Variants in RALB observed in about 807,000 individuals in gnomAD.
The protein encoded by RALB is ras-related protein Ral-B.
RALB carries 16 observed loss-of-function variants against 21.3 expected under a neutral mutation model. The observed-to-expected ratio is 0.75, with a 90% CI of 0.51 to 1.14. The LOEUF is 1.14. RALB is among the 50% of genes most tolerant of loss of function. RALB has a pLI of 0.00. For missense variants in RALB, 161 were observed against 256.2 expected (o/e 0.63, Z 2.54); for synonymous variants, 93 against 96.1 (o/e 0.97, Z 0.19).
rs540586190 is a variant in RALB, at chr2:120,268,872, A to G, written c.-47-9746A>G. ...AAGGAAAGAAAAGAAGGAAAGTCCA[A>G]CTTCATTGTTGCCAGTATTAACTCT... On this transcript the variant is annotated intron_variant, in intron 1 of 4. Coordinates refer to ENST00000272519, the MANE Select transcript of RALB (RefSeq NM_002881.3). Among the ~76,000 whole-genome samples the G allele has an allele frequency of 7.9e-5, 12 of 152,292 alleles. No individual in the cohort carries two copies. In the East Asian group the frequency reaches 1.5e-3, roughly 20 times the overall value.
chr2:120,285,774 C>A, intron 2 of RALB, 100 bp from the exon 3 acceptor site: 1 of 905,282 alleles, frequency 1.1e-6, no homozygotes, highest in Non-Finnish European at 1.8e-6. Context: ...CTGTAGTGTC[C>A]TGTTCATAGT....
intron 1 of RALB, chr2:120,253,639 CGGA>C: frequency 1.0e-5 from 10 of 985,480 alleles, no homozygotes; most frequent in Non-Finnish European, 1.1e-5. Context: ...TTGCGGGGCG[CGGA>C]GCTTGCTGCG....
chr2:120,249,371 A>G (rs1689019163), upstream of RALB, among the ~76,000 whole-genome samples: 1 of 152,124 alleles, frequency 6.6e-6, no homozygotes, highest in South Asian at 2.1e-4. Context: ...GAAATACCTG[A>G]GACTGGGTAA....
At chr2:120,246,944 T>C (rs912408882) in intron 1 of RALB, among the ~76,000 whole-genome samples, 2 of 152,242 alleles carry the variant, frequency 1.3e-5, no homozygotes, top group Non-Finnish European at 2.9e-5. Flanking sequence ...TGGATGAGGT[T>C]GGCTTCCTGG....
intron 1 of RALB, among the ~76,000 whole-genome samples, chr2:120,240,589 G>A (rs950484569): frequency 1.3e-5 from 2 of 152,128 alleles, no homozygotes; most frequent in Admixed American, 6.5e-5. Flanking sequence ...GTGAGCCACC[G>A]CACCTGGCAG....
intron 1 of RALB, among the ~76,000 whole-genome samples, chr2:120,261,022 G>A (rs943555345): frequency 4.6e-5 from 7 of 152,218 alleles, no homozygotes; most frequent in Non-Finnish European, 1.0e-4. Flanking sequence ...GCCAAATCTT[G>A]GGCTCCACTC....
intron 2 of RALB, among the ~76,000 whole-genome samples, chr2:120,282,569 G>C (rs1383239023): frequency 8.4e-6 from 1 of 118,712 alleles, no homozygotes; most frequent in African/African-American, 3.2e-5. Context: ...TGGGGAGGGG[G>C]GCGGGGGTGG....
At chr2:120,260,376 G>T (rs1212681089) in intron 1 of RALB, among the ~76,000 whole-genome samples, 2 of 152,240 alleles carry the variant, frequency 1.3e-5, no homozygotes, top group Non-Finnish European at 2.9e-5. Context: ...TTTTAAGAGG[G>T]AAGAATCAAG....
upstream of RALB, among the ~76,000 whole-genome samples, chr2:120,250,208 A>G (rs1226015643): frequency 1.3e-5 from 2 of 152,206 alleles, no homozygotes; most frequent in African/African-American, 2.4e-5. Context: ...TATGTGCAGT[A>G]ACAAACAACT....
At position 120,289,625 on chromosome 2, in the gene RALB, G is replaced by T; in HGVS notation, c.369G>T (p.Leu123=). ...AGGCTGAAGAAGATAAAATTCCACT[G>T]CTCGTCGTGGGAAACAAGTCTGACC... ...RVKAEEDKIP[L]LVVGNKSDLE... Residue 123 remains leucine, a synonymous_variant, in exon 4 of 5, where the codon CTG becomes CTT. Transcript: ENST00000272519. 6.2e-7 allele frequency: 1 copy of T among 1,614,176 alleles called. No homozygotes were observed. Among genetic ancestry groups the T allele is most frequent in the East Asian group, 2.2e-5 (1 of 44,888 alleles).
At chr2:120,249,517 T>C (rs529754691), upstream of RALB, among the ~76,000 whole-genome samples, 11 of 152,288 alleles carry the variant, frequency 7.2e-5, no homozygotes, top group Non-Finnish European at 1.3e-4. Flanking sequence ...TGGGAGCAGG[T>C]GCATCTCATA....
At chr2:120,258,124 C>G (rs1186950354) in intron 1 of RALB, among the ~76,000 whole-genome samples, 1 of 152,226 alleles carries the variant, frequency 6.6e-6, no homozygotes. Flanking sequence ...ACATTCAAGC[C>G]TAATTATGTT....
chr2:120,278,244 C>G (rs964507867), intron 1 of RALB, among the ~76,000 whole-genome samples: 2 of 152,158 alleles, frequency 1.3e-5, no homozygotes, highest in African/African-American at 4.8e-5. Context: ...AAGCTGTTCT[C>G]CGCGGCAGCC....
At chr2:120,269,527 A>G (rs1009846375) in intron 1 of RALB, among the ~76,000 whole-genome samples, 7 of 152,150 alleles carry the variant, frequency 4.6e-5, no homozygotes, top group Non-Finnish European at 7.4e-5. Context: ...TTTAGAGAGC[A>G]CTGATTGGTG....
chr2:120,243,773 T>C (rs1688927768), intron 1 of RALB, among the ~76,000 whole-genome samples: 2 of 152,194 alleles, frequency 1.3e-5, no homozygotes. Flanking sequence ...TCATTCTTCA[T>C]ATAAGTATGG....
upstream of RALB, among the ~76,000 whole-genome samples, chr2:120,248,488 C>T (rs138777237): frequency 4.4e-3 from 672 of 152,258 alleles, 10 homozygotes; most frequent in African/African-American, 0.016. Flanking sequence ...GTCTTCAGCT[C>T]TCTTCAGCTC....
chr2:120,267,346 A>C (rs1188417981), intron 1 of RALB, among the ~76,000 whole-genome samples: 1 of 152,162 alleles, frequency 6.6e-6, no homozygotes, highest in Non-Finnish European at 1.5e-5. Context: ...AAAGTCAAAA[A>C]TTGAAAGATA....
chr2:120,259,442 A>G (rs1476822923), intron 1 of RALB, among the ~76,000 whole-genome samples: 2 of 152,130 alleles, frequency 1.3e-5, no homozygotes, highest in Admixed American at 6.5e-5. Flanking sequence ...CTAGATACAG[A>G]GTGTCAATTG....
intron 1 of RALB, among the ~76,000 whole-genome samples, chr2:120,269,843 T>C (rs1043038519): frequency 1.7e-4 from 26 of 152,270 alleles, no homozygotes; most frequent in Admixed American, 1.2e-3. Context: ...AATAAATTCC[T>C]GGAAGAGGTT....
Sources: gnomAD v4.1 joint callset for allele counts (sites outside exome capture counted in the v4.1 genomes callset) on GRCh38, gnomAD v4.1.1 for gene constraint, MANE v1.5 for transcripts, NCBI Gene and HGNC (gene_info 2026-07-23, HGNC 2026-07-21) for gene names.